The following TTC28 variants were observed in gnomAD, a reference collection of about 807,000 sequenced individuals.
TTC28 encodes the protein tetratricopeptide repeat domain 28.
TTC28 carries 61 observed loss-of-function variants against 198.0 expected under a neutral mutation model. That is an observed-to-expected ratio of 0.31 (90% CI 0.25 to 0.38). The LOEUF (loss-of-function observed/expected upper bound fraction) is 0.38. TTC28 is among the 10% of genes least tolerant of loss of function. The pLI is 1.00. For missense variants in TTC28, 2,678 were observed against 3,164.0 expected, an observed-to-expected ratio of 0.85 and a Z score of 3.69; for synonymous variants, 1,171 against 1,297.8, an observed-to-expected ratio of 0.90 and a Z score of 2.10.
chr22:28,472,014 GATAA>G (rs1447602366), intron 2 of TTC28, among the ~76,000 whole-genome samples: 2 of 151,928 alleles, frequency 1.3e-5, no homozygotes, highest in Non-Finnish European at 1.5e-5. Context: ...ATGATTGATT[GATAA>G]ATGAATGATA....
chr22:28,170,412 C>T (rs1601422859), intron 5 of TTC28, among the ~76,000 whole-genome samples: 1 of 151,462 alleles, frequency 6.6e-6, no homozygotes, highest in Non-Finnish European at 1.5e-5. Flanking sequence ...TGGCGTGAAC[C>T]CAGGAGGCAG....
At position 28,638,310 on chromosome 22, in the gene TTC28, T is replaced by TA. The variant is rs902213472; in HGVS notation, c.103-8481dup. ...TATAAAAAAACTTATCCCCTCTATATAAAAAATCACAGGTAATTCAAATAA... is the reference window on the plus strand; with the variant it reads ...TATAAAAAAACTTATCCCCTCTATATAAAAAAATCACAGGTAATTCAAATAA... On this transcript the variant is annotated intron_variant, in intron 1 of 22. Coordinates refer to ENST00000397906, the MANE Select transcript of TTC28 (RefSeq NM_001145418.2). 2.6e-5 allele frequency among the ~76,000 whole-genome samples: 4 copies of TA among 152,024 alleles called. No homozygotes were observed. In the East Asian group the frequency reaches 5.8e-4, roughly 22 times the overall value.
At chr22:28,320,075 T>C (rs1435598055) in intron 2 of TTC28, among the ~76,000 whole-genome samples, 2 of 152,178 alleles carry the variant, frequency 1.3e-5, no homozygotes, top group Admixed American at 6.5e-5. Flanking sequence ...TCCACCATTC[T>C]CTCTGCTACT....
intron 2 of TTC28, among the ~76,000 whole-genome samples, chr22:28,609,663 C>T (rs917704379): frequency 7.2e-5 from 11 of 152,050 alleles, no homozygotes; most frequent in Non-Finnish European, 1.2e-4. Flanking sequence ...GGACAGACAC[C>T]GAGCTAGCTG....
Position 28,108,222 on chromosome 22 carries a change from C to A in TTC28, c.1623G>T (p.Leu541=). The A allele has an allele frequency of 6.4e-7, 1 of 1,551,266 alleles. No homozygotes were observed. Among genetic ancestry groups the A allele is most frequent in the Non-Finnish European group, 8.7e-7 (1 of 1,146,660 alleles). The part of the protein sequence containing the change: ...DQAVKYHRQE[L]QISMEVNDRA... ...GGTCATTCACTTCCATGGAGATCTG[C>A]AGCTCCTGCCGATGGTATTTGACCG... The change falls in exon 7 of 23, where the codon CTG becomes CTT. Residue 541 remains leucine (L), a synonymous_variant. Coordinates refer to ENST00000397906, the MANE Select transcript of TTC28 (RefSeq NM_001145418.2).
At chr22:28,404,015 T>C (rs574050732) in intron 2 of TTC28, among the ~76,000 whole-genome samples, 13 of 152,208 alleles carry the variant, frequency 8.5e-5, no homozygotes, top group Admixed American at 2.0e-4. Context: ...TTTGATCTCT[T>C]TTCTCAAATG....
At chr22:28,433,171 T>C (rs2047458465) in intron 2 of TTC28, among the ~76,000 whole-genome samples, 1 of 152,254 alleles carries the variant, frequency 6.6e-6, no homozygotes, top group Admixed American at 6.5e-5. Flanking sequence ...AAAGGAATTT[T>C]AGAAAAATAA....
At chr22:27,992,087 G>A (rs765486258) in intron 19 of TTC28, among the ~76,000 whole-genome samples, 4 of 152,200 alleles carry the variant, frequency 2.6e-5, no homozygotes, top group Non-Finnish European at 5.9e-5. Context: ...TGGGTGGTGA[G>A]GAGGACAAGG....
At chr22:28,049,117 G>GGCTA (rs1327488313) in intron 12 of TTC28, among the ~76,000 whole-genome samples, 4 of 152,156 alleles carry the variant, frequency 2.6e-5, no homozygotes, top group Non-Finnish European at 5.9e-5. Context: ...TCCTTATAAG[G>GGCTA]GCTAGCATCA....
At chr22:28,566,557 G>C (rs1029870251) in intron 2 of TTC28, among the ~76,000 whole-genome samples, 2 of 152,140 alleles carry the variant, frequency 1.3e-5, no homozygotes, top group African/African-American at 4.8e-5. Flanking sequence ...TGCTCGAAGA[G>C]AAATTTTCAA....
At chr22:28,092,606 A>G (rs1263722014) in intron 12 of TTC28, among the ~76,000 whole-genome samples, 5 of 152,184 alleles carry the variant, frequency 3.3e-5, no homozygotes, top group Non-Finnish European at 7.3e-5. Context: ...CACTTTGGAC[A>G]TGCAATACCT....
intron 5 of TTC28, among the ~76,000 whole-genome samples, chr22:28,229,074 C>A (rs1291574299): frequency 2.6e-5 from 4 of 151,314 alleles, no homozygotes; most frequent in African/African-American, 4.8e-5. Context: ...GAGAATCGCT[C>A]GAACCTGGGA....
rs1234417887 is a variant in TTC28 at position 28,163,598 on chromosome 22, G to A, written c.935C>T (p.Ala312Val). 6.8e-5 allele frequency: 103 copies of A among 1,524,252 alleles called. No individual in the cohort carries two copies. The highest frequency in any genetic ancestry group is 9.0e-5 in the Non-Finnish European group (102 of 1,134,112). The allele number at this position is 1,524,252 out of a possible 1,614,324, so 94.4% of individuals were successfully genotyped here. ...CAGACTGCTCAAGGCTGATGAAGCTGCCTGGAGAGAAAAGGATAAAGTGGA... is the reference window on the plus strand; with the variant it reads ...CAGACTGCTCAAGGCTGATGAAGCTACCTGGAGAGAAAAGGATAAAGTGGA... Reference protein sequence around the residue: ...VLAMKLKDREAASSALSSLGH... With the variant: ...VLAMKLKDREVASSALSSLGH... The change falls in exon 6 of 23, where the codon GCA becomes GTA. Residue 312 changes from alanine to valine, a missense_variant and splice_region_variant. Coordinates refer to ENST00000397906, the MANE Select transcript of TTC28 (RefSeq NM_001145418.2).
Position 28,105,715 on chromosome 22 carries a change from G to C in TTC28, c.2871C>G (p.Ala957=). 1 of 1,551,696 alleles carries C rather than the reference G, an allele frequency of 6.4e-7. No individual in the cohort carries two copies. The highest frequency in any genetic ancestry group is 8.7e-7 in the Non-Finnish European group (1 of 1,147,020). Residue 957 remains alanine, a synonymous_variant, in exon 8 of 23, where the codon GCC becomes GCG. Transcript: ENST00000397906. The part of the protein sequence containing the change: ...AHELGEAFNK[A]QAYGELGSLH... Reference sequence around the variant, plus strand: ...GACTTCCCAGCTCTCCATAGGCCTGGGCTTTATTGAAGGCCTCTCCAAGTT... The same window carrying C: ...GACTTCCCAGCTCTCCATAGGCCTGCGCTTTATTGAAGGCCTCTCCAAGTT...
intron 12 of TTC28, among the ~76,000 whole-genome samples, chr22:28,066,768 A>G (rs138683): frequency 0.6 from 90,580 of 151,896 alleles, 27,617 homozygotes; most frequent in South Asian, 0.72. Context: ...GGCCCTGGCT[A>G]CAGGGTGGGT....
At chr22:28,190,325 G>GA (rs1924614809) in intron 5 of TTC28, among the ~76,000 whole-genome samples, 2 of 152,190 alleles carry the variant, frequency 1.3e-5, no homozygotes, top group African/African-American at 2.4e-5. Flanking sequence ...TTATAGCAGA[G>GA]GTTAAGTGAC....
intron 2 of TTC28, among the ~76,000 whole-genome samples, chr22:28,536,622 T>C (rs891386752): frequency 1.3e-5 from 2 of 151,744 alleles, no homozygotes; most frequent in Non-Finnish European, 1.5e-5. Flanking sequence ...AGACTCCGTC[T>C]CAAAAAAAAA....
At chr22:28,581,633 T>G (rs1030239009) in intron 2 of TTC28, among the ~76,000 whole-genome samples, 1 of 152,206 alleles carries the variant, frequency 6.6e-6, no homozygotes, top group Non-Finnish European at 1.5e-5. Context: ...TCAACAATTT[T>G]TATCTACAGA....
intron 2 of TTC28, among the ~76,000 whole-genome samples, chr22:28,618,839 G>T (rs1022565609): frequency 6.6e-6 from 1 of 151,978 alleles, no homozygotes; most frequent in African/African-American, 2.4e-5. Flanking sequence ...ATGCCCAATC[G>T]ATGTTTTTGA....
Sources: allele counts gnomAD v4.1 joint callset (sites outside exome capture counted in the v4.1 genomes callset), GRCh38; gene constraint gnomAD v4.1.1; transcripts MANE v1.5; gene names NCBI Gene and HGNC (gene_info 2026-07-23, HGNC 2026-07-21).